Variants in NUP133 observed in about 807,000 individuals in gnomAD.
NUP133 encodes the protein nuclear pore complex protein Nup133.
Under a neutral mutation model 146.2 loss-of-function variants are expected in NUP133, and 66 were observed. The observed-to-expected ratio is 0.45, with a 90% CI of 0.37 to 0.55. NUP133 has a LOEUF of 0.55. Ranked by LOEUF, NUP133 falls within the 20% of genes least tolerant of loss-of-function variation. NUP133 has a pLI of 0.00. For missense variants in NUP133, 1,277 were observed against 1,374.8 expected, an observed-to-expected ratio of 0.93 and a Z score of 1.12; for synonymous variants, 521 against 498.8, an observed-to-expected ratio of 1.04 and a Z score of -0.59.
intron 15 of NUP133, among the ~76,000 whole-genome samples, 185 bp downstream of exon 15, chr1:229,470,395 C>T (rs1475362791): frequency 6.6e-6 from 1 of 152,174 alleles, no homozygotes; most frequent in Non-Finnish European, 1.5e-5. Context: ...TTTGCAAACT[C>T]TTCTTTACAG....
chr1:229,450,738 T>TGC, intron 22 of NUP133, 133 bp from the exon 23 acceptor site: 2 of 471,836 alleles, frequency 4.2e-6, no homozygotes, highest in Non-Finnish European at 7.5e-6. Flanking sequence ...TTTGTTTGTT[T>TGC]TTTTTGAGAC....
intron 22 of NUP133, 134 bp downstream of exon 22, chr1:229,452,390 GT>G (rs764481893): frequency 3.2e-5 from 18 of 564,218 alleles, no homozygotes; most frequent in Non-Finnish European, 5.2e-5. Flanking sequence ...TTCAAACAAC[GT>G]TTTTCTAGGG....
At chr1:229,492,877 T>C (rs1243154723) in intron 8 of NUP133, among the ~76,000 whole-genome samples, 1 of 151,856 alleles carries the variant, frequency 6.6e-6, no homozygotes, top group Non-Finnish European at 1.5e-5. Context: ...CTTACCCATG[T>C]AACCAAAAAC....
At chr1:229,448,911 C>T in intron 24 of NUP133, 1 of 546,460 alleles carries the variant, frequency 1.8e-6, no homozygotes, top group Non-Finnish European at 3.2e-6. Flanking sequence ...AGTCTGAGCC[C>T]TCAACCTGTG....
chr1:229,470,626 T>C lies in NUP133; in HGVS notation c.2030A>G (p.Tyr677Cys), dbSNP rs143513043. The change falls in exon 15 of 26, where the codon TAT becomes TGT. Residue 677 changes from tyrosine to cysteine, a missense_variant. Tyr to Cys is a radical substitution (Grantham distance 194). Coordinates refer to ENST00000261396, the MANE Select transcript of NUP133 (RefSeq NM_018230.3). ...AILIALNKRE[Y>C]EIPSNLTPAD... ...AGGAGTCAGGTTGGATGGGATTTCA[T>C]ACTCCCTCTTGTTCAAAGCAATCAA... The C allele has an allele frequency of 1.9e-6, 3 of 1,614,232 alleles. No individual in the cohort carries two copies. The highest frequency in any genetic ancestry group is 3.3e-5 in the Admixed American group (2 of 60,032).
At chr1:229,481,448 C>T (rs1661209626) in intron 12 of NUP133, among the ~76,000 whole-genome samples, 1 of 152,148 alleles carries the variant, frequency 6.6e-6, no homozygotes, top group Non-Finnish European at 1.5e-5. Context: ...GTGGCTCACA[C>T]CTGTAATCCC....
At position 229,498,284 on chromosome 1, in the gene NUP133, G is replaced by A. The variant is rs1185709188; in HGVS notation, c.671C>T (p.Ser224Leu). ...CAACCGAATTAGTTGGCTTCCTGAT[G>A]AAGACAAAATAAAACTTCCTCCCTG... ...AVQGGSFILSSSGSQLIRLIP... is the reference protein window; with the variant it reads ...AVQGGSFILSLSGSQLIRLIP... Residue 224 changes from serine to leucine, a missense_variant, in exon 6 of 26, where the codon TCA (serine) becomes TTA (leucine). Ser to Leu is a moderately radical substitution (Grantham distance 145). Around this residue, in one of 3 missense-constraint regions of NUP133, gnomAD observed 319 missense variants for 306.9 expected, o/e 1.04. Transcript: ENST00000261396. The A allele has an allele frequency of 6.3e-7, 1 of 1,596,154 alleles. No homozygotes were observed. The highest frequency in any genetic ancestry group is 1.8e-5 in the Admixed American group (1 of 54,490).
intron 24 of NUP133, 66 bp downstream of exon 24, chr1:229,449,060 A>C (rs990828790): frequency 1.7e-6 from 2 of 1,176,762 alleles, no homozygotes; most frequent in African/African-American, 3.0e-5. Context: ...ATTGACTGTC[A>C]TGTGGTGAGA....
intron 21 of NUP133, among the ~76,000 whole-genome samples, chr1:229,457,380 T>C (rs1174797806): frequency 2.6e-5 from 4 of 152,268 alleles, no homozygotes; most frequent in South Asian, 4.1e-4. Flanking sequence ...AATAATAGCA[T>C]CATGCCTCAG....
In NUP133 at chr1:229,508,320, A is replaced by T; in HGVS notation, c.-71T>A. 1 of 1,185,278 alleles carries T rather than the reference A, an allele frequency of 8.4e-7. No individual in the cohort carries two copies. Among genetic ancestry groups the T allele is most frequent in the Non-Finnish European group, 1.1e-6 (1 of 893,070 alleles). The allele number at this position is 1,185,278 out of a possible 1,614,324, so 73.4% of individuals were successfully genotyped here. ...GGTTGCAGCCTGGCCTGCGCGCGGA[A>T]CTTAAACACCTAAGGGAAGAGATGG... On this transcript the variant is annotated 5_prime_UTR_variant, in exon 1 of 26. Transcript: ENST00000261396.
chr1:229,484,031 A>C (rs751754095), intron 12 of NUP133, 23 bp downstream of exon 12: 11 of 1,531,328 alleles, frequency 7.2e-6, no homozygotes, highest in South Asian at 2.3e-5. Context: ...AAAATAATCC[A>C]TAATTTAAAA....
chr1:229,499,365 T>C (rs1259262244), intron 5 of NUP133: 3 of 444,510 alleles, frequency 6.7e-6, no homozygotes, highest in Admixed American at 5.3e-5. Flanking sequence ...GCCTCCCTTG[T>C]CTAACTGTTC....
intron 2 of NUP133, among the ~76,000 whole-genome samples, chr1:229,504,801 A>G (rs1446060551): frequency 6.6e-6 from 1 of 152,202 alleles, no homozygotes; most frequent in Non-Finnish European, 1.5e-5. Context: ...TATTAAATGG[A>G]AAATTCAAAT....
chr1:229,499,179 C>A (rs1323546381), intron 5 of NUP133: 1 of 470,286 alleles, frequency 2.1e-6, no homozygotes, highest in South Asian at 1.5e-5. Context: ...AGACTGCACG[C>A]ATGAGCCACC....
At chr1:229,482,736 C>G (rs1455739283) in intron 12 of NUP133, among the ~76,000 whole-genome samples, 3 of 152,162 alleles carry the variant, frequency 2.0e-5, no homozygotes, top group African/African-American at 4.8e-5. Context: ...GCTGGACTTG[C>G]TCTGGCCAAC....
intron 6 of NUP133, 21 bp downstream of exon 6, chr1:229,498,115 A>C (rs1661701800): frequency 6.6e-7 from 1 of 1,516,268 alleles, no homozygotes; most frequent in Non-Finnish European, 8.9e-7. Flanking sequence ...AGCTTGTAAA[A>C]TAGTTATTTT....
chr1:229,467,907 G>C (rs1300614678), intron 15 of NUP133, among the ~76,000 whole-genome samples: 3 of 142,924 alleles, frequency 2.1e-5, no homozygotes, highest in African/African-American at 7.9e-5. Flanking sequence ...CCTGGCGACA[G>C]AGCAAGACTC....
intron 2 of NUP133, among the ~76,000 whole-genome samples, chr1:229,505,455 G>A (rs1280435005): frequency 6.8e-6 from 1 of 146,198 alleles, no homozygotes; most frequent in Non-Finnish European, 1.5e-5. Flanking sequence ...ATCCCCCAAA[G>A]ATAATGGGGG....
intron 12 of NUP133, among the ~76,000 whole-genome samples, chr1:229,479,087 G>C (rs1341974130): frequency 6.6e-6 from 1 of 152,050 alleles, no homozygotes; most frequent in East Asian, 1.9e-4. Flanking sequence ...GAGAGAGAGA[G>C]ACCAACCACA....
Sources: allele counts gnomAD v4.1 joint callset (sites outside exome capture counted in the v4.1 genomes callset), GRCh38; gene constraint gnomAD v4.1.1; regional missense constraint gnomAD v4.1.1; transcripts MANE v1.5; gene names NCBI Gene and HGNC (gene_info 2026-07-23, HGNC 2026-07-21).